Variants in SLC35F3 observed in about 807,000 individuals in gnomAD.
SLC35F3 encodes putative thiamine transporter SLC35F3.
A neutral mutation model predicts 49.9 loss-of-function variants in SLC35F3; 25 were observed. That is an observed-to-expected ratio of 0.50 (90% CI 0.37 to 0.70). The LOEUF (loss-of-function observed/expected upper bound fraction) is 0.70, where lower values mean the gene tolerates loss of function less well. Among genes scored for constraint, SLC35F3 ranks in the 30% least tolerant of loss-of-function variants. The probability of loss-of-function intolerance (pLI) is 0.00; values close to 1 mark genes in which losing one functional copy is unlikely to be tolerated. For missense variants in SLC35F3, 525 were observed against 639.8 expected (o/e 0.82, Z 1.94); for synonymous variants, 275 against 265.4 (o/e 1.04, Z -0.35).
At chr1:234,228,338 C>T (rs1310407393) in intron 2 of SLC35F3, among the ~76,000 whole-genome samples, 2 of 152,236 alleles carry the variant, frequency 1.3e-5, no homozygotes, top group Non-Finnish European at 2.9e-5. Flanking sequence ...TATCCCAATG[C>T]ACACTGGCCA....
intron 2 of SLC35F3, among the ~76,000 whole-genome samples, chr1:234,157,281 T>G (rs1666168998): frequency 1.3e-5 from 2 of 152,168 alleles, no homozygotes; most frequent in Non-Finnish European, 2.9e-5. Context: ...TCGTTTTTCT[T>G]TTTTATATTC....
intron 2 of SLC35F3, among the ~76,000 whole-genome samples, chr1:234,051,855 G>A (rs1664382615): frequency 6.6e-6 from 1 of 152,200 alleles, no homozygotes; most frequent in South Asian, 2.1e-4. Context: ...ATGAAGCACT[G>A]TTGAATTCTG....
chr1:234,044,663 C>G (rs1268061939), intron 2 of SLC35F3, among the ~76,000 whole-genome samples: 1 of 152,120 alleles, frequency 6.6e-6, no homozygotes, highest in Non-Finnish European at 1.5e-5. Context: ...ATTTTTATTG[C>G]TTCAATTTGC....
chr1:234,042,323 T>C (rs1664233509), intron 2 of SLC35F3, among the ~76,000 whole-genome samples: 2 of 152,208 alleles, frequency 1.3e-5, no homozygotes, highest in Non-Finnish European at 2.9e-5. Flanking sequence ...TCTGATGATA[T>C]GGTACCAATT....
chr1:234,104,279 G>C (rs1457733128), intron 2 of SLC35F3, among the ~76,000 whole-genome samples: 1 of 152,136 alleles, frequency 6.6e-6, no homozygotes, highest in Non-Finnish European at 1.5e-5. Context: ...AGTGTCTATA[G>C]CTTCAAGTAA....
chr1:234,191,561 C>T (rs1666729391), intron 2 of SLC35F3, among the ~76,000 whole-genome samples: 1 of 150,618 alleles, frequency 6.6e-6, no homozygotes, highest in Non-Finnish European at 1.5e-5. Context: ...AACAAACCAC[C>T]TCCAAGCCCA....
chr1:234,066,462 G>T (rs1440447323), intron 2 of SLC35F3, among the ~76,000 whole-genome samples: 1 of 152,074 alleles, frequency 6.6e-6, no homozygotes, highest in East Asian at 1.9e-4. Flanking sequence ...GGAACTCCAG[G>T]CTGCAGCGGT....
At chr1:234,314,045 G>T (rs1199691933) in intron 4 of SLC35F3, among the ~76,000 whole-genome samples, 3 of 152,198 alleles carry the variant, frequency 2.0e-5, no homozygotes, top group Non-Finnish European at 4.4e-5. Context: ...GGTCATAGCA[G>T]GGCTGCTGAT....
chr1:233,963,361 T>C (rs1410857692), intron 2 of SLC35F3, among the ~76,000 whole-genome samples: 1 of 151,222 alleles, frequency 6.6e-6, no homozygotes, highest in African/African-American at 2.4e-5. Flanking sequence ...AGTGCAGTGG[T>C]GCAATCTCGG....
At chr1:233,972,919 AC>A (rs1663018896) in intron 2 of SLC35F3, among the ~76,000 whole-genome samples, 1 of 152,370 alleles carries the variant, frequency 6.6e-6, no homozygotes, top group Non-Finnish European at 1.5e-5. Flanking sequence ...GACAGCCCTG[AC>A]CCAGGGCCAC....
intron 2 of SLC35F3, among the ~76,000 whole-genome samples, chr1:234,219,725 T>C (rs1256689212): frequency 6.6e-6 from 1 of 152,220 alleles, no homozygotes; most frequent in Non-Finnish European, 1.5e-5. Flanking sequence ...TCTGACAGGA[T>C]ACTCTTTCCT....
At chr1:233,905,989 A>T (rs990327466) in intron 2 of SLC35F3, among the ~76,000 whole-genome samples, 2 of 152,156 alleles carry the variant, frequency 1.3e-5, no homozygotes, top group East Asian at 3.9e-4. Flanking sequence ...CACACACAGG[A>T]TCTCTCTGTA....
At chr1:233,990,866 G>A (rs367718660) in intron 2 of SLC35F3, among the ~76,000 whole-genome samples, 2 of 152,130 alleles carry the variant, frequency 1.3e-5, no homozygotes, top group Non-Finnish European at 2.9e-5. Flanking sequence ...AAAATAATTG[G>A]CATCTGTTGT....
At chr1:234,128,804 G>A (rs1159200156) in intron 2 of SLC35F3, among the ~76,000 whole-genome samples, 1 of 152,206 alleles carries the variant, frequency 6.6e-6, no homozygotes, top group Non-Finnish European at 1.5e-5. Flanking sequence ...TGTCTGGAGA[G>A]CAAGCACTTT....
chr1:234,240,520 A>T (rs1251859912), intron 3 of SLC35F3, among the ~76,000 whole-genome samples: 1 of 151,948 alleles, frequency 6.6e-6, no homozygotes, highest in Non-Finnish European at 1.5e-5. Context: ...TAGGAGAATC[A>T]CTTGAATCCA....
At chr1:234,016,436 T>C (rs988562546) in intron 2 of SLC35F3, among the ~76,000 whole-genome samples, 1 of 152,208 alleles carries the variant, frequency 6.6e-6, no homozygotes, top group Non-Finnish European at 1.5e-5. Context: ...TAGTATATTA[T>C]ATATGCATGA....
chr1:234,259,564 C>T (rs1324169939), intron 3 of SLC35F3, among the ~76,000 whole-genome samples: 3 of 152,060 alleles, frequency 2.0e-5, no homozygotes, highest in Non-Finnish European at 4.4e-5. Context: ...GTCCCAGCTA[C>T]TCGGGAGGCT....
intron 3 of SLC35F3, among the ~76,000 whole-genome samples, chr1:234,235,612 G>A (rs904163537): frequency 2.0e-5 from 3 of 152,262 alleles, no homozygotes; most frequent in African/African-American, 7.2e-5. Context: ...ATTTGCAGCA[G>A]TAATGACCTG....
At chr1:234,199,675 C>T (rs1666872229) in intron 2 of SLC35F3, among the ~76,000 whole-genome samples, 1 of 151,960 alleles carries the variant, frequency 6.6e-6, no homozygotes, top group Non-Finnish European at 1.5e-5. Flanking sequence ...TCTGCACAGC[C>T]AAGGAAATGA....
Sources: gnomAD v4.1 joint callset for allele counts (sites outside exome capture counted in the v4.1 genomes callset) on GRCh38, gnomAD v4.1.1 for gene constraint, MANE v1.5 for transcripts, NCBI Gene and HGNC (gene_info 2026-07-23, HGNC 2026-07-21) for gene names.